CD247: variants seen among roughly 807,000 people sequenced by gnomAD.
The protein encoded by CD247 is T-cell surface glycoprotein CD3 zeta chain.
A neutral mutation model predicts 30.0 loss-of-function variants in CD247; 13 were observed. That is an observed-to-expected ratio of 0.43 (90% CI 0.28 to 0.69). The LOEUF (loss-of-function observed/expected upper bound fraction) is 0.69. Ranked by LOEUF, CD247 falls within the 30% of genes least tolerant of loss-of-function variation. The pLI, the probability that CD247 is intolerant of heterozygous loss-of-function variation, is 0.16. For synonymous variants in CD247, 72 were observed against 80.0 expected (o/e 0.90, Z 0.53); for missense variants, 193 against 212.6 (o/e 0.91, Z 0.57).
chr1:167,509,483 C>T (rs971356207), intron 1 of CD247, among the ~76,000 whole-genome samples: 2 of 151,572 alleles, frequency 1.3e-5, no homozygotes, highest in African/African-American at 4.9e-5. Context: ...CAACCTATTC[C>T]GAGGGTGAAA....
chr1:167,443,291 A>G (rs781073617), intron 1 of CD247, among the ~76,000 whole-genome samples: 1 of 152,042 alleles, frequency 6.6e-6, no homozygotes, highest in Non-Finnish European at 1.5e-5. Flanking sequence ...GTAGACAATC[A>G]CTCGATATCA....
chr1:167,466,006 C>T (rs1558010884), intron 1 of CD247, among the ~76,000 whole-genome samples: 1 of 152,244 alleles, frequency 6.6e-6, no homozygotes. Flanking sequence ...TTGACACCAG[C>T]TCCAACTTTG....
intron 1 of CD247, among the ~76,000 whole-genome samples, chr1:167,454,144 A>C (rs1461664527): frequency 2.0e-5 from 3 of 152,200 alleles, no homozygotes; most frequent in East Asian, 3.8e-4. Flanking sequence ...AAATGTACTT[A>C]CTTCATGTCA....
intron 1 of CD247, among the ~76,000 whole-genome samples, chr1:167,454,520 C>T (rs1652536084): frequency 2.0e-5 from 3 of 152,260 alleles, no homozygotes; most frequent in African/African-American, 4.8e-5. Context: ...CCAGCCCTGG[C>T]TCAGTACATT....
In CD247 at chr1:167,440,693, T is replaced by A. The variant is rs781258286; in HGVS notation, c.133A>T (p.Ile45Phe). ...LDGILFIYGVILTALFLRVKF... is the reference protein window; with the variant it reads ...LDGILFIYGVFLTALFLRVKF... ...ACTCTCAGGAACAAGGCAGTGAGAA[T>A]GACACCATAGATGAAGAGGATTCCA... The change falls in exon 2 of 8, where the codon ATT becomes TTT. Residue 45 changes from isoleucine (I) to phenylalanine (F), a missense_variant. Coordinates refer to ENST00000362089, the MANE Select transcript of CD247 (RefSeq NM_198053.3). 1.9e-6 allele frequency: 3 copies of A among 1,613,736 alleles called. No individual in the cohort carries two copies. In the South Asian group the frequency reaches 3.3e-5, roughly 18 times the overall value.
rs970499860 is a variant in CD247 at position 167,494,641 on chromosome 1, T to C, written c.58+23767A>G. Reference sequence around the variant, plus strand: ...GTTTTCCTAATTGTATTTTGCACTGTGGCTTTACACAGCCCATGTCTCTGG... The same window carrying C: ...GTTTTCCTAATTGTATTTTGCACTGCGGCTTTACACAGCCCATGTCTCTGG... On this transcript the variant is annotated intron_variant, in intron 1 of 7. Coordinates refer to ENST00000362089, the MANE Select transcript of CD247 (RefSeq NM_198053.3). The surrounding 1 kb of genome is among the most constrained non-coding windows in gnomAD (Gnocchi z 7.3). Among the ~76,000 whole-genome samples, 3 of 152,204 alleles carry C rather than the reference T, an allele frequency of 2.0e-5. No individual in the cohort carries two copies. Among genetic ancestry groups the C allele is most frequent in the African/African-American group, 7.2e-5 (3 of 41,446 alleles).
intron 1 of CD247, among the ~76,000 whole-genome samples, chr1:167,484,013 G>A (rs10918699): frequency 0.17 from 25,879 of 152,182 alleles, 2,469 homozygotes; most frequent in Admixed American, 0.29. Flanking sequence ...CTCTGCCACC[G>A]CTGGTGCCGT....
chr1:167,438,604 C>T lies in CD247; in HGVS notation c.266G>A (p.Arg89Lys). The change falls in exon 4 of 8, where the codon AGA becomes AAA. Residue 89 changes from arginine to lysine, a missense_variant. Coordinates refer to ENST00000362089, the MANE Select transcript of CD247 (RefSeq NM_198053.3). ...RREEYDVLDK[R>K]RGRDPEMGGK... ...CCCCATCTCAGGGTCCCGGCCACGT[C>T]TCTTGTCCAAAACATCGTACTCCTC... is the stretch of plus-strand genomic sequence containing the variant. The T allele has an allele frequency of 6.2e-7, 1 of 1,614,128 alleles. No homozygotes were observed. Among genetic ancestry groups the T allele is most frequent in the Non-Finnish European group, 8.5e-7 (1 of 1,179,984 alleles).
intron 1 of CD247, among the ~76,000 whole-genome samples, chr1:167,459,346 C>A (rs1376188654): frequency 7.9e-6 from 1 of 127,112 alleles, no homozygotes; most frequent in Non-Finnish European, 1.7e-5. Context: ...TTCCTTACAA[C>A]TCTTTTTTTT....
In CD247 at chr1:167,433,069, T is replaced by C. The variant is rs369387062; in HGVS notation, c.394-10A>G. On this transcript the variant is annotated splice_polypyrimidine_tract_variant and intron_variant, in intron 6 of 7. Transcript: ENST00000362089. The stretch of plus-strand genomic sequence containing the variant: ...CCTTGCCCCTCCGGCGCTGGTTGTT[T>C]GGGAGTGAAATGAGAAAAGGATTAG... 2.5e-6 allele frequency: 4 copies of C among 1,614,026 alleles called. No homozygotes were observed. Among genetic ancestry groups the C allele is most frequent in the Non-Finnish European group, 3.4e-6 (4 of 1,179,984 alleles).
At chr1:167,450,092 A>G (rs1652283971) in intron 1 of CD247, among the ~76,000 whole-genome samples, 1 of 152,214 alleles carries the variant, frequency 6.6e-6, no homozygotes, top group Non-Finnish European at 1.5e-5. Flanking sequence ...CTACATAACC[A>G]TTCCCCATTG....
rs776195661 is a variant in CD247, at chr1:167,518,396, C to T, written c.58+12G>A. 4.2e-5 allele frequency: 68 copies of T among 1,613,988 alleles called. No homozygotes were observed. The East Asian group carries it at 1.0e-3, about 24-fold the overall frequency. On this transcript the variant is annotated intron_variant, in intron 1 of 7. Transcript: ENST00000362089. ...TTCTAGAAGTTCCCTGCCGTCGACA[C>T]GTCGGCCCTACCTGTAATCGGCAAC...
At chr1:167,459,406 G>A (rs1405034525) in intron 1 of CD247, among the ~76,000 whole-genome samples, 1 of 135,760 alleles carries the variant, frequency 7.4e-6, no homozygotes, top group African/African-American at 2.9e-5. Context: ...AGGCTGGAGT[G>A]CAGTGGCATG....
At chr1:167,517,498 A>G (rs1161268384) in intron 1 of CD247, among the ~76,000 whole-genome samples, 1 of 152,176 alleles carries the variant, frequency 6.6e-6, no homozygotes, top group Non-Finnish European at 1.5e-5. Context: ...TTTCTTCCTC[A>G]TTACCTGGGC....
chr1:167,473,521 C>A (rs149267432), intron 1 of CD247, among the ~76,000 whole-genome samples: 1 of 152,070 alleles, frequency 6.6e-6, no homozygotes, highest in African/African-American at 2.4e-5. Context: ...GAGAATGAGG[C>A]GCTGTTATTA....
chr1:167,431,216 G>A lies in CD247; in HGVS notation c.*465C>T, dbSNP rs1557989564. 7 of 496,444 alleles carry A rather than the reference G, an allele frequency of 1.4e-5. No homozygotes were observed. Among genetic ancestry groups the A allele is most frequent in the Non-Finnish European group, 2.1e-5 (6 of 284,276 alleles). 30.8% of individuals were successfully genotyped at this position (496,444 alleles called of 1,614,324 possible). On this transcript the variant is annotated 3_prime_UTR_variant, in exon 8 of 8. Transcript: ENST00000362089. Reference sequence around the variant, plus strand: ...CACCAGGGAGGCACAACATGGCCCAGTACAGTTACCTTGAAAGGAGGTGAA... The same window carrying A: ...CACCAGGGAGGCACAACATGGCCCAATACAGTTACCTTGAAAGGAGGTGAA...
intron 1 of CD247, among the ~76,000 whole-genome samples, chr1:167,506,212 A>G (rs943023647): frequency 6.7e-6 from 1 of 150,090 alleles, no homozygotes; most frequent in African/African-American, 2.5e-5. Context: ...GAGAGACGCC[A>G]TCTTTCTTTT....
intron 1 of CD247, among the ~76,000 whole-genome samples, chr1:167,491,247 C>G (rs1374275843): frequency 6.6e-6 from 1 of 152,080 alleles, no homozygotes; most frequent in African/African-American, 2.4e-5. Context: ...TTGTGGAAAA[C>G]GGTTTGGTGG....
chr1:167,441,570 T>C (rs1176524413), intron 1 of CD247, among the ~76,000 whole-genome samples: 7 of 152,320 alleles, frequency 4.6e-5, no homozygotes, highest in African/African-American at 1.7e-4. Context: ...TGTTCCCTCT[T>C]CATGTTCCCT....
Sources: allele counts gnomAD v4.1 joint callset (sites outside exome capture counted in the v4.1 genomes callset), GRCh38; gene constraint gnomAD v4.1.1; non-coding constraint Gnocchi (gnomAD v3.1); transcripts MANE v1.5; gene names NCBI Gene and HGNC (gene_info 2026-07-23, HGNC 2026-07-21).